The following OPRK1 variants were observed in gnomAD, a reference collection of about 807,000 sequenced individuals.
The protein encoded by OPRK1 is opioid receptor kappa 1.
OPRK1 carries 15 observed loss-of-function variants against 24.5 expected under a neutral mutation model. That is an observed-to-expected ratio of 0.61 (90% CI 0.41 to 0.94). The LOEUF (loss-of-function observed/expected upper bound fraction) is 0.94, where lower values mean the gene tolerates loss of function less well. Ranked by LOEUF, OPRK1 falls within the 40% of genes least tolerant of loss-of-function variation. The probability of loss-of-function intolerance (pLI) is 0.00; values close to 1 mark genes in which losing one functional copy is unlikely to be tolerated. For missense variants in OPRK1, 479 were observed against 507.3 expected (o/e 0.94, Z 0.54); for synonymous variants, 205 against 198.0 (o/e 1.04, Z -0.30).
At chr8:53,242,242 A>C (rs1465223418) in intron 2 of OPRK1, among the ~76,000 whole-genome samples, 1 of 152,196 alleles carries the variant, frequency 6.6e-6, no homozygotes, top group Non-Finnish European at 1.5e-5. Flanking sequence ...TCTCCACTGG[A>C]CAGGAAGCAA....
In OPRK1 at chr8:53,227,840, A is replaced by G. The variant is rs1369734645; in HGVS notation, c.*1457T>C. 6.6e-6 allele frequency: 1 copy of G among 151,996 alleles called. No homozygotes were observed. Among genetic ancestry groups the G allele is most frequent in the African/African-American group, 2.4e-5 (1 of 41,378 alleles). 9.4% of individuals were successfully genotyped at this position (151,996 alleles called of 1,614,324 possible). On this transcript the variant is annotated 3_prime_UTR_variant, in exon 4 of 4. Coordinates refer to ENST00000265572, the MANE Select transcript of OPRK1 (RefSeq NM_000912.5). ...TGTAGTTACATAGGGCTATATATTCAATTTTTCTATTAAATTCCAGAGGAT... is the reference window on the plus strand; with the variant it reads ...TGTAGTTACATAGGGCTATATATTCGATTTTTCTATTAAATTCCAGAGGAT...
intron 2 of OPRK1, among the ~76,000 whole-genome samples, chr8:53,237,394 T>G (rs1807019783): frequency 6.6e-6 from 1 of 152,206 alleles, no homozygotes; most frequent in South Asian, 2.1e-4. Flanking sequence ...AGCCAATAGA[T>G]GTATGAAACT....
At position 53,226,318 on chromosome 8, in the gene OPRK1, C is replaced by T. The variant is rs531999580; in HGVS notation, c.*2979G>A. The T allele has an allele frequency of 6.6e-6, 1 of 152,208 alleles. No homozygotes were observed. The allele number at this position is 152,208 out of a possible 1,614,324, so 9.4% of individuals were successfully genotyped here. A position where few individuals can be genotyped will look rare whatever the true frequency, so the allele number is the denominator to read the frequency against. Reference sequence around the variant, plus strand: ...CTCTGAGATACTAAGAGTGTTTCCACTCTCCTCCCAGTTAGAGTGGGGGGT... The same window carrying T: ...CTCTGAGATACTAAGAGTGTTTCCATTCTCCTCCCAGTTAGAGTGGGGGGT... On this transcript the variant is annotated 3_prime_UTR_variant, in exon 4 of 4. Coordinates refer to ENST00000265572, the MANE Select transcript of OPRK1 (RefSeq NM_000912.5).
rs553033584 is a variant in OPRK1, at chr8:53,237,871, G to T, written c.258-2760C>A. ...CTCAGGTAAGTTAAGTGATTTGTTT[G>T]GTGTCAGCAGAGGCAGGACCTCAGT... On this transcript the variant is annotated intron_variant, in intron 2 of 3. Transcript: ENST00000265572. Among the ~76,000 whole-genome samples, 10 of 152,274 alleles carry T rather than the reference G, an allele frequency of 6.6e-5. No individual in the cohort carries two copies. The South Asian group carries it at 2.1e-3, about 32-fold the overall frequency.
At chr8:53,235,748 C>T (rs1216373864) in intron 2 of OPRK1, among the ~76,000 whole-genome samples, 1 of 152,124 alleles carries the variant, frequency 6.6e-6, no homozygotes, top group Non-Finnish European at 1.5e-5. Flanking sequence ...TATGGTACAG[C>T]AGAAAAGAAA....
At chr8:53,242,801 C>T (rs761888923) in intron 2 of OPRK1, 15 of 1,234,104 alleles carry the variant, frequency 1.2e-5, no homozygotes, top group East Asian at 6.0e-5. Flanking sequence ...CCACCGCGCC[C>T]GGCCACTCCA....
intron 2 of OPRK1, among the ~76,000 whole-genome samples, chr8:53,241,511 A>T (rs1180096462): frequency 6.6e-6 from 1 of 152,146 alleles, no homozygotes; most frequent in East Asian, 1.9e-4. Flanking sequence ...TGTCTGCTTA[A>T]AAAGAAAGGT....
Position 53,248,998 on chromosome 8 carries a change from C to A in OPRK1, c.257+1783G>T, listed in dbSNP as rs140221887. 5.2e-3 allele frequency among the ~76,000 whole-genome samples: 799 copies of A among 152,278 alleles called. 8 individuals carry two copies. Among genetic ancestry groups the A allele is most frequent in the African/African-American group, 0.018 (734 of 41,546 alleles). ...CTATCCATTAAAAATCCTAGCTAAT[C>A]TACAGGATTTTTTTTTCCTTCTTAC... is the stretch of plus-strand genomic sequence containing the variant. On this transcript the variant is annotated intron_variant, in intron 2 of 3. Transcript: ENST00000265572.
Position 53,229,641 on chromosome 8 carries a change from G to T in OPRK1, c.799C>A (p.Arg267Ser). ...AGTCTGGTGATCCTACGCAGGTTGC[G>T]ATCTTTCTCTCGGGAGCCAGAAAGG... ...RLLSGSREKDRNLRRITRLVL... is the reference protein window; with the variant it reads ...RLLSGSREKDSNLRRITRLVL... Residue 267 changes from arginine (R) to serine (S), a missense_variant, in exon 4 of 4, where the codon CGC (arginine) becomes AGC (serine). Coordinates refer to ENST00000265572, the MANE Select transcript of OPRK1 (RefSeq NM_000912.5). 2 of 1,614,138 alleles carry T rather than the reference G, an allele frequency of 1.2e-6. No homozygotes were observed. Among genetic ancestry groups the T allele is most frequent in the Non-Finnish European group, 8.5e-7 (1 of 1,180,014 alleles).
chr8:53,229,829 T>C lies in OPRK1; in HGVS notation c.611A>G (p.Asp204Gly). ...IVLGGTKVRE[D>G]VDVIECSLQF... Reference sequence around the variant, plus strand: ...CAAGGAGCACTCAATGACATCGACGTCTGGAGGAGGGCAATAAAAACCACA... The same window carrying C: ...CAAGGAGCACTCAATGACATCGACGCCTGGAGGAGGGCAATAAAAACCACA... Residue 204 changes from aspartate (D) to glycine (G), a missense_variant and splice_region_variant, in exon 4 of 4, where the codon GAC becomes GGC. By Grantham distance (94) the Asp-to-Gly change is moderately conservative. Transcript: ENST00000265572. 1 of 1,544,048 alleles carries C rather than the reference T, an allele frequency of 6.5e-7. No homozygotes were observed. The highest frequency in any genetic ancestry group is 8.7e-7 in the Non-Finnish European group (1 of 1,146,720).
chr8:53,228,818 T>C lies in OPRK1; in HGVS notation c.*479A>G, dbSNP rs756808755. The C allele has an allele frequency of 6.4e-6, 1 of 157,076 alleles. No homozygotes were observed. Among genetic ancestry groups the C allele is most frequent in the Non-Finnish European group, 1.4e-5 (1 of 71,134 alleles). 9.7% of individuals were successfully genotyped at this position (157,076 alleles called of 1,614,324 possible). The stretch of plus-strand genomic sequence containing the variant: ...AAATGCATGTCCACACAGCATACAG[T>C]GAGCTGGGCATGAACCCTGGAAATA... On this transcript the variant is annotated 3_prime_UTR_variant, in exon 4 of 4. Coordinates refer to ENST00000265572, the MANE Select transcript of OPRK1 (RefSeq NM_000912.5).
At position 53,226,660 on chromosome 8, in the gene OPRK1, A is replaced by G. The variant is rs1338506890; in HGVS notation, c.*2637T>C. On this transcript the variant is annotated 3_prime_UTR_variant, in exon 4 of 4. Coordinates refer to ENST00000265572, the MANE Select transcript of OPRK1 (RefSeq NM_000912.5). ...CCCTGCTTCACAGCAGGACATCAGG[A>G]CAAACAGAAAGCGTGTACACACTTT... 1 of 152,280 alleles carries G rather than the reference A, an allele frequency of 6.6e-6. No individual in the cohort carries two copies. Among genetic ancestry groups the G allele is most frequent in the Non-Finnish European group, 1.5e-5 (1 of 68,046 alleles). 9.4% of individuals were successfully genotyped at this position (152,280 alleles called of 1,614,324 possible).
At chr8:53,243,467 AT>A in intron 2 of OPRK1, among the ~76,000 whole-genome samples, 1 of 152,350 alleles carries the variant, frequency 6.6e-6, no homozygotes, top group South Asian at 2.1e-4. Context: ...CCTGGAGTCT[AT>A]TAAAGTTTAG....
chr8:53,246,597 C>G (rs879326873), intron 2 of OPRK1, among the ~76,000 whole-genome samples: 1 of 130,286 alleles, frequency 7.7e-6, no homozygotes, highest in South Asian at 2.7e-4. Context: ...GGTAAAGACC[C>G]CAGGAGCAAT....
rs201132162 is a variant in OPRK1, at chr8:53,229,067, G to A, written c.*230C>T. 6.1e-5 allele frequency: 28 copies of A among 458,672 alleles called. No homozygotes were observed. The highest frequency in any genetic ancestry group is 1.4e-4 in the South Asian group (4 of 29,246). The allele number at this position is 458,672 out of a possible 1,614,324, so 28.4% of individuals were successfully genotyped here. On this transcript the variant is annotated 3_prime_UTR_variant, in exon 4 of 4. Coordinates refer to ENST00000265572, the MANE Select transcript of OPRK1 (RefSeq NM_000912.5). ...ATCAGAGGAACTGAGGCTCTGCCTC[G>A]CTTCTGTGCCCTAGAGAAGAGGTGC...
In OPRK1 at chr8:53,238,735, G is replaced by A. The variant is rs76428968; in HGVS notation, c.258-3624C>T. ...AACAAAGTTATCTGCTGAGATGTCA[G>A]GAACCAGTGTCACCAGGCAGGGTTT... On this transcript the variant is annotated intron_variant, in intron 2 of 3. Transcript: ENST00000265572. 4.9e-3 allele frequency: 4,854 copies of A among 985,062 alleles called. 202 individuals carry two copies. In the African/African-American group the frequency reaches 0.079, roughly 16 times the overall value. The allele number at this position is 985,062 out of a possible 1,614,324, so 61.0% of individuals were successfully genotyped here. A position where few individuals can be genotyped will look rare whatever the true frequency, so the allele number is the denominator to read the frequency against.
At chr8:53,239,202 T>C (rs985919579) in intron 2 of OPRK1, among the ~76,000 whole-genome samples, 1 of 149,242 alleles carries the variant, frequency 6.7e-6, no homozygotes, top group Non-Finnish European at 1.5e-5. Flanking sequence ...TACTCTTTCA[T>C]TTCCCTACCC....
Position 53,229,517 on chromosome 8 carries a change from G to A in OPRK1, c.923C>T (p.Ala308Val). The stretch of plus-strand genomic sequence containing the variant: ...GATGCAGAAGTAATAGCTGGAGAGA[G>A]CAGCTGTGCTGTGGGAGGTGCTCCC... ...ALGSTSHSTA[A>V]LSSYYFCIAL... The change falls in exon 4 of 4, where the codon GCT (alanine) becomes GTT (valine). Residue 308 changes from alanine to valine, a missense_variant. Transcript: ENST00000265572. 1 of 1,614,218 alleles carries A rather than the reference G, an allele frequency of 6.2e-7. No individual in the cohort carries two copies. The highest frequency in any genetic ancestry group is 8.5e-7 in the Non-Finnish European group (1 of 1,180,040).
At chr8:53,237,100 C>G (rs1334712417) in intron 2 of OPRK1, among the ~76,000 whole-genome samples, 1 of 152,146 alleles carries the variant, frequency 6.6e-6, no homozygotes, top group Non-Finnish European at 1.5e-5. Flanking sequence ...GACAGCATGT[C>G]TAATCTATGT....
Sources: gnomAD v4.1 joint callset for allele counts (sites outside exome capture counted in the v4.1 genomes callset) on GRCh38, gnomAD v4.1.1 for gene constraint, MANE v1.5 for transcripts, NCBI Gene and HGNC (gene_info 2026-07-23, HGNC 2026-07-21) for gene names.